DAB1: variants seen among roughly 807,000 people sequenced by gnomAD.
The protein encoded by DAB1 is DAB adaptor protein 1, also known as disabled homolog 1.
DAB1 carries 15 observed loss-of-function variants against 64.6 expected under a neutral mutation model. The ratio of observed to expected loss-of-function variants is 0.23; its 90% confidence interval spans 0.16 to 0.36. DAB1 has a LOEUF of 0.36. DAB1 is among the 10% of genes least tolerant of loss of function. The pLI is 1.00. For missense variants in DAB1, 596 were observed against 706.7 expected (o/e 0.84, Z 1.78); for synonymous variants, 235 against 251.9 (o/e 0.93, Z 0.64).
intron 1 of DAB1, chr1:57,876,946 G>A (rs918021385): frequency 1.3e-5 from 2 of 152,134 alleles, no homozygotes; most frequent in African/African-American, 4.8e-5. Context: ...GCATGGAGAG[G>A]ATTATGAAAA....
chr1:58,058,955 C>A (rs1648318775), intron 5 of DAB1, among the ~76,000 whole-genome samples: 1 of 152,178 alleles, frequency 6.6e-6, no homozygotes, highest in Non-Finnish European at 1.5e-5. Context: ...CAGGTAGGAA[C>A]ACACCTGTAC....
intron 7 of DAB1, among the ~76,000 whole-genome samples, chr1:57,500,774 C>T (rs750912330): frequency 3.9e-5 from 6 of 152,094 alleles, no homozygotes; most frequent in Non-Finnish European, 5.9e-5. Flanking sequence ...TATAATAGAA[C>T]ATTAGAAGTA....
At chr1:57,769,333 C>T (rs765653740) in intron 6 of DAB1, among the ~76,000 whole-genome samples, 1 of 152,134 alleles carries the variant, frequency 6.6e-6, no homozygotes, top group African/African-American at 2.4e-5. Flanking sequence ...CTATTAAATA[C>T]TGAATAATTC....
chr1:58,327,100 T>G (rs1662847126), intron 4 of DAB1, among the ~76,000 whole-genome samples: 3 of 152,240 alleles, frequency 2.0e-5, no homozygotes, highest in African/African-American at 7.2e-5. Context: ...GATTAAAATT[T>G]TCCACAATTC....
intron 7 of DAB1, among the ~76,000 whole-genome samples, chr1:57,447,911 C>A (rs1172395278): frequency 6.6e-6 from 1 of 152,114 alleles, no homozygotes; most frequent in Admixed American, 6.5e-5. Context: ...CTGAATGAAG[C>A]AATGATGGCA....
At chr1:57,505,651 C>T (rs997251642) in intron 7 of DAB1, among the ~76,000 whole-genome samples, 1 of 152,094 alleles carries the variant, frequency 6.6e-6, no homozygotes, top group African/African-American at 2.4e-5. Flanking sequence ...AAAGTTATAG[C>T]TTTGAAATAA....
chr1:57,959,479 C>A (rs1245314885), intron 5 of DAB1, among the ~76,000 whole-genome samples: 2 of 152,174 alleles, frequency 1.3e-5, no homozygotes, highest in Non-Finnish European at 2.9e-5. Flanking sequence ...CTCGCAGTAA[C>A]CCACTTTGAT....
At chr1:57,405,719 A>C (rs927164713) in intron 1 of DAB1, among the ~76,000 whole-genome samples, 2 of 152,168 alleles carry the variant, frequency 1.3e-5, no homozygotes, top group African/African-American at 4.8e-5. Flanking sequence ...TTCACCCACA[A>C]ACACCTGGCC....
intron 4 of DAB1, among the ~76,000 whole-genome samples, chr1:58,321,352 A>G (rs1366178778): frequency 2.0e-5 from 3 of 152,214 alleles, no homozygotes; most frequent in Non-Finnish European, 4.4e-5. Context: ...ATCGACGCAG[A>G]AGATGGTGAT....
At chr1:57,229,648 C>T (rs1667527418) in intron 2 of DAB1, among the ~76,000 whole-genome samples, 1 of 152,120 alleles carries the variant, frequency 6.6e-6, no homozygotes, top group Non-Finnish European at 1.5e-5. Context: ...TAAAAAGCAA[C>T]AATAAAACAT....
intron 5 of DAB1, among the ~76,000 whole-genome samples, chr1:58,046,681 C>T (rs948207109): frequency 6.6e-6 from 1 of 152,194 alleles, no homozygotes. Flanking sequence ...CTCTACTATG[C>T]CATGAGCTTC....
At chr1:58,101,114 A>G (rs994237798) in intron 5 of DAB1, among the ~76,000 whole-genome samples, 19 of 152,156 alleles carry the variant, frequency 1.2e-4, no homozygotes, top group African/African-American at 4.6e-4. Context: ...CAGGAGATCC[A>G]GACCATCCTG....
At chr1:58,205,397 T>G (rs1216827783) in intron 4 of DAB1, among the ~76,000 whole-genome samples, 1 of 152,196 alleles carries the variant, frequency 6.6e-6, no homozygotes, top group Non-Finnish European at 1.5e-5. Context: ...ACATCTGCAA[T>G]AAACTCCAGT....
intron 3 of DAB1, among the ~76,000 whole-genome samples, chr1:58,378,005 T>A (rs1644346454): frequency 1.4e-5 from 2 of 141,562 alleles, no homozygotes; most frequent in South Asian, 4.5e-4. Flanking sequence ...TTCACATAGT[T>A]CTCAAGCCTT....
At chr1:57,497,483 T>G (rs1181714086) in intron 7 of DAB1, among the ~76,000 whole-genome samples, 2 of 152,200 alleles carry the variant, frequency 1.3e-5, no homozygotes, top group Non-Finnish European at 2.9e-5. Flanking sequence ...TCTGCCCTCA[T>G]GGAGTTTCTA....
intron 7 of DAB1, among the ~76,000 whole-genome samples, chr1:57,543,540 A>G (rs533691244): frequency 6.6e-6 from 1 of 152,300 alleles, no homozygotes; most frequent in East Asian, 1.9e-4. Flanking sequence ...ATGGGCATAT[A>G]AAAAACAAAC....
intron 4 of DAB1, among the ~76,000 whole-genome samples, chr1:58,309,344 G>A (rs201687175): frequency 7.2e-5 from 11 of 152,048 alleles, no homozygotes; most frequent in Admixed American, 2.0e-4. Context: ...CCCATGGGCC[G>A]CTTGAATTTT....
At chr1:57,116,289 C>T (rs905752729) in intron 4 of DAB1, among the ~76,000 whole-genome samples, 2 of 151,396 alleles carry the variant, frequency 1.3e-5, no homozygotes, top group Non-Finnish European at 2.9e-5. Context: ...TGGTGAAACC[C>T]CATCTCTACT....
intron 5 of DAB1, among the ~76,000 whole-genome samples, chr1:57,890,193 G>A (rs1187713275): frequency 6.6e-6 from 1 of 152,106 alleles, no homozygotes; most frequent in Non-Finnish European, 1.5e-5. Context: ...GATCTGTAGT[G>A]TGGAAACGAG....
Sources: allele counts gnomAD v4.1 joint callset (sites outside exome capture counted in the v4.1 genomes callset), GRCh38; gene constraint gnomAD v4.1.1; transcripts MANE v1.5; gene names NCBI Gene and HGNC (gene_info 2026-07-23, HGNC 2026-07-21).